Variants in UGP2 observed in about 807,000 individuals in gnomAD.
The protein encoded by UGP2 is UDP-glucose pyrophosphorylase 2.
UGP2 carries 40 observed loss-of-function variants against 49.0 expected under a neutral mutation model. The observed-to-expected ratio is 0.82, with a 90% CI of 0.63 to 1.06. The LOEUF is 1.06. Among genes scored for constraint, UGP2 ranks in the 50% least tolerant of loss-of-function variants. The pLI, the probability that UGP2 is intolerant of heterozygous loss-of-function variation, is 0.00. For missense variants in UGP2, 460 were observed against 603.5 expected (o/e 0.76, Z 2.49); for synonymous variants, 225 against 213.0 (o/e 1.06, Z -0.49).
intron 3 of UGP2, among the ~76,000 whole-genome samples, chr2:63,869,601 C>G (rs985694116): frequency 6.6e-6 from 1 of 152,152 alleles, no homozygotes; most frequent in Admixed American, 6.5e-5. Flanking sequence ...AAATGAGTGA[C>G]TTTTATGATT....
chr2:63,851,937 ACATACT>A (rs1457066936), intron 1 of UGP2, among the ~76,000 whole-genome samples: 2 of 152,204 alleles, frequency 1.3e-5, no homozygotes, highest in South Asian at 2.1e-4. Context: ...ATTGGTGGAC[ACATACT>A]CATTATGTGA....
At chr2:63,854,795 A>G in intron 1 of UGP2, 1 of 152,246 alleles carries the variant, frequency 6.6e-6, no homozygotes, top group Middle Eastern at 3.2e-3. Context: ...ATTATTCTTC[A>G]TGTGCATTGG....
chr2:63,876,517 T>G (rs180814885), intron 3 of UGP2, among the ~76,000 whole-genome samples: 2 of 152,216 alleles, frequency 1.3e-5, no homozygotes, highest in South Asian at 4.1e-4. Context: ...TCCACAGTTA[T>G]TCTGAGAGTC....
chr2:63,889,928 A>C, intron 8 of UGP2, 153 bp from the exon 9 acceptor site: 1 of 614,164 alleles, frequency 1.6e-6, no homozygotes, highest in Non-Finnish European at 2.9e-6. Flanking sequence ...TTTAGCATAT[A>C]ATGAGTGCTT....
intron 3 of UGP2, among the ~76,000 whole-genome samples, chr2:63,868,940 G>A (rs2104314626): frequency 6.6e-6 from 1 of 151,872 alleles, no homozygotes; most frequent in South Asian, 2.1e-4. Flanking sequence ...ACTCTAGCCT[G>A]GGCGACAAGA....
At chr2:63,877,850 G>A (rs1019144402) in intron 3 of UGP2, among the ~76,000 whole-genome samples, 17 of 151,106 alleles carry the variant, frequency 1.1e-4, no homozygotes, top group Non-Finnish European at 2.1e-4. Context: ...AAAATTAGCC[G>A]GGCGCGGTGG....
chr2:63,846,755 C>T (rs1208963577), intron 1 of UGP2, among the ~76,000 whole-genome samples: 1 of 152,112 alleles, frequency 6.6e-6, no homozygotes, highest in African/African-American at 2.4e-5. Context: ...ATCCTAAAAC[C>T]AAATTTAGCC....
rs576646721 is a variant in UGP2 at position 63,865,044 on chromosome 2, CT to C, written c.255+7109del. On this transcript the variant is annotated intron_variant, in intron 3 of 9. Transcript: ENST00000337130. ...GCTTACCCCCAACAGTCACATCTCC[CT>C]GTCTGAAGTACTTTTTTCTGATTTA... 3.9e-5 allele frequency among the ~76,000 whole-genome samples: 6 copies of C among 152,320 alleles called. 1 individual carries two copies. In the East Asian group the frequency reaches 1.2e-3, roughly 29 times the overall value.
chr2:63,865,705 A>C (rs1340390231), intron 3 of UGP2, among the ~76,000 whole-genome samples: 1 of 151,536 alleles, frequency 6.6e-6, no homozygotes, highest in East Asian at 1.9e-4. Context: ...TGCCCACCTA[A>C]TTTTCAAATT....
At chr2:63,869,922 A>ACTTT (rs1553464349) in intron 3 of UGP2, among the ~76,000 whole-genome samples, 1 of 135,482 alleles carries the variant, frequency 7.4e-6, no homozygotes, top group African/African-American at 2.7e-5. Flanking sequence ...ATTAAAATTA[A>ACTTT]TTTTTTTTTT....
chr2:63,884,041 C>A lies in UGP2; in HGVS notation c.523C>A (p.Leu175Ile). The change falls in exon 5 of 10, where the codon CTA becomes ATA. Residue 175 changes from leucine to isoleucine, a missense_variant. Coordinates refer to ENST00000337130, the MANE Select transcript of UGP2 (RefSeq NM_006759.4). The stretch of plus-strand genomic sequence containing the variant: ...CACGGATGAAGATACCAAAAAAATA[C>A]TACAGAAGTACAATCATTGTCGTGT... Reference protein sequence around the residue: ...FNTDEDTKKILQKYNHCRVKI... With the variant: ...FNTDEDTKKIIQKYNHCRVKI... 6.2e-7 allele frequency: 1 copy of A among 1,613,360 alleles called. No homozygotes were observed. The highest frequency in any genetic ancestry group is 8.5e-7 in the Non-Finnish European group (1 of 1,179,846).
At chr2:63,859,515 C>T (rs1185710248) in intron 3 of UGP2, among the ~76,000 whole-genome samples, 2 of 151,878 alleles carry the variant, frequency 1.3e-5, no homozygotes, top group East Asian at 1.9e-4. Flanking sequence ...AAGTGGGGGT[C>T]AGAGGGTGGA....
intron 1 of UGP2, chr2:63,842,730 T>G: frequency 2.4e-6 from 2 of 842,720 alleles, no homozygotes; most frequent in Non-Finnish European, 3.3e-6. Context: ...GGAGGTCATT[T>G]CAGCTGGAGA....
intron 1 of UGP2, among the ~76,000 whole-genome samples, chr2:63,852,608 G>C (rs1433162335): frequency 6.6e-6 from 1 of 152,208 alleles, no homozygotes; most frequent in East Asian, 1.9e-4. Context: ...GCAGCTTAAG[G>C]AGATCAATCC....
intron 3 of UGP2, among the ~76,000 whole-genome samples, chr2:63,866,948 A>G (rs1670224718): frequency 6.6e-6 from 1 of 152,174 alleles, no homozygotes; most frequent in Non-Finnish European, 1.5e-5. Context: ...GTTCTTGGTC[A>G]CTGTTACTGA....
chr2:63,873,982 C>T (rs1331477324), intron 3 of UGP2, among the ~76,000 whole-genome samples: 3 of 152,154 alleles, frequency 2.0e-5, no homozygotes, highest in African/African-American at 4.8e-5. Context: ...GCCTCTAGTC[C>T]AAACAGCAGG....
At chr2:63,854,650 T>C (rs1469407027) in intron 1 of UGP2, among the ~76,000 whole-genome samples, 1 of 152,248 alleles carries the variant, frequency 6.6e-6, no homozygotes, top group Non-Finnish European at 1.5e-5. Flanking sequence ...GAATATTTTT[T>C]ATTCGTTACA....
rs1281603909 is a variant in UGP2, at chr2:63,887,583, T to C, written c.1253T>C (p.Met418Thr). 3 of 1,613,994 alleles carry C rather than the reference T, an allele frequency of 1.9e-6. No individual in the cohort carries two copies. Among genetic ancestry groups the C allele is most frequent in the East Asian group, 4.5e-5 (2 of 44,892 alleles). Residue 418 changes from methionine to threonine, a missense_variant, in exon 8 of 10, where the codon ATG becomes ACG. Transcript: ENST00000337130. ...AGTCTTAATGCAGGATCTCTGACAATGAGTGAAAAGCGGGAATTTCCTACA... is the reference window on the plus strand; with the variant it reads ...AGTCTTAATGCAGGATCTCTGACAACGAGTGAAAAGCGGGAATTTCCTACA... The part of the protein sequence containing the change: ...LYSLNAGSLT[M>T]SEKREFPTVP...
In UGP2 at chr2:63,886,330, T is replaced by C. The variant is rs1208113802; in HGVS notation, c.874-11T>C. 1 of 1,613,360 alleles carries C rather than the reference T, an allele frequency of 6.2e-7. No homozygotes were observed. The highest frequency in any genetic ancestry group is 1.1e-5 in the South Asian group (1 of 91,066). On this transcript the variant is annotated splice_polypyrimidine_tract_variant and intron_variant, in intron 6 of 9. Transcript: ENST00000337130. ...TGATGTGGAGGCACTCACTATTTTC[T>C]GCCTTTCTAGGGCGGGACACTCACT...
Sources: allele counts gnomAD v4.1 joint callset (sites outside exome capture counted in the v4.1 genomes callset), GRCh38; gene constraint gnomAD v4.1.1; transcripts MANE v1.5; gene names NCBI Gene and HGNC (gene_info 2026-07-23, HGNC 2026-07-21).